Variants in ENTPD1 observed in about 807,000 individuals in gnomAD.
ENTPD1 encodes ATP diphosphohydrolase.
In ENTPD1, 33 loss-of-function variants were observed where a neutral mutation model predicts 57.0. The observed-to-expected ratio is 0.58, with a 90% CI of 0.44 to 0.77. ENTPD1 has a LOEUF of 0.77. ENTPD1 is among the 30% of genes least tolerant of loss of function. The pLI, the probability that ENTPD1 is intolerant of heterozygous loss-of-function variation, is 0.00. For missense variants in ENTPD1, 501 were observed against 603.4 expected (o/e 0.83, Z 1.78); for synonymous variants, 202 against 218.8 (o/e 0.92, Z 0.68).
At chr10:95,699,683 A>C in the ENTPD1 span, among the ~76,000 whole-genome samples, 5 of 152,270 alleles carry the variant, frequency 3.3e-5, no homozygotes, top group East Asian at 9.6e-4. Flanking sequence ...AGAAAGATGC[A>C]CATTTGACCC....
At chr10:95,836,305 C>A (rs2098409549) in intron 2 of ENTPD1, among the ~76,000 whole-genome samples, 1 of 151,914 alleles carries the variant, frequency 6.6e-6, no homozygotes, top group African/African-American at 2.4e-5. Flanking sequence ...TATTTGGGCT[C>A]TTTTTTGGTC....
At chr10:95,824,279 A>G (rs766732710) in intron 2 of ENTPD1, among the ~76,000 whole-genome samples, 9 of 152,248 alleles carry the variant, frequency 5.9e-5, no homozygotes, top group Non-Finnish European at 8.8e-5. Flanking sequence ...TAACTTGACC[A>G]TGGAGGCCTG....
chr10:95,700,933 T>C, the ENTPD1 span, among the ~76,000 whole-genome samples: 127,666 of 151,874 alleles, frequency 0.84, 54,221 homozygotes, highest in Non-Finnish European at 0.91. Context: ...GCTGGGATTA[T>C]AGGTGCCCAC....
chr10:95,810,059 G>A (rs1384511449), intron 1 of ENTPD1, among the ~76,000 whole-genome samples: 1 of 140,564 alleles, frequency 7.1e-6, no homozygotes, highest in South Asian at 2.5e-4. Flanking sequence ...TCACTTCCCA[G>A]ACAGGGTCGC....
intron 1 of ENTPD1, among the ~76,000 whole-genome samples, chr10:95,750,427 C>T (rs1370238959): frequency 1.3e-5 from 2 of 152,074 alleles, no homozygotes; most frequent in South Asian, 2.1e-4. Context: ...GGCACCTCCC[C>T]TTTCTCTCTC....
chr10:95,808,716 G>A (rs900479926), intron 1 of ENTPD1, among the ~76,000 whole-genome samples: 1 of 119,550 alleles, frequency 8.4e-6, no homozygotes, highest in African/African-American at 3.3e-5. Flanking sequence ...GATTATTTTA[G>A]TTGCTTTTTT....
intron 1 of ENTPD1, among the ~76,000 whole-genome samples, chr10:95,761,928 A>C (rs1429253842): frequency 1.3e-5 from 2 of 152,222 alleles, no homozygotes; most frequent in Non-Finnish European, 2.9e-5. Flanking sequence ...GCTCTGCAGA[A>C]GAAAGGTGGG....
intron 8 of ENTPD1, among the ~76,000 whole-genome samples, chr10:95,862,454 T>TTAAGCATGTACTGTTA (rs1220482600): frequency 6.6e-6 from 1 of 152,242 alleles, no homozygotes; most frequent in African/African-American, 2.4e-5. Flanking sequence ...TTAACAATGT[T>TTAAGCATGTACTGTTA]TAAGCATGTA....
intron 1 of ENTPD1, among the ~76,000 whole-genome samples, chr10:95,809,558 G>A (rs567577370): frequency 5.3e-4 from 74 of 140,242 alleles, no homozygotes; most frequent in African/African-American, 1.6e-3. Flanking sequence ...CAGATGGGGC[G>A]GATGCTGGGC....
chr10:95,727,184 C>T (rs975926893), intron 1 of ENTPD1, among the ~76,000 whole-genome samples: 3 of 152,124 alleles, frequency 2.0e-5, no homozygotes, highest in African/African-American at 4.8e-5. Context: ...CGATTTGAGT[C>T]ATAGTTTTGG....
chr10:95,742,303 T>C (rs936959433), intron 1 of ENTPD1, among the ~76,000 whole-genome samples: 5 of 152,108 alleles, frequency 3.3e-5, no homozygotes, highest in African/African-American at 1.2e-4. Flanking sequence ...CTACTTTAAG[T>C]TGTCTGGCAA....
At chr10:95,862,391 G>A (rs2098466840) in intron 8 of ENTPD1, among the ~76,000 whole-genome samples, 1 of 152,216 alleles carries the variant, frequency 6.6e-6, no homozygotes, top group Admixed American at 6.5e-5. Context: ...TGCTACTCCA[G>A]TATGGCTTGT....
At chr10:95,726,296 C>G (rs2097983632) in intron 1 of ENTPD1, among the ~76,000 whole-genome samples, 1 of 152,088 alleles carries the variant, frequency 6.6e-6, no homozygotes, top group African/African-American at 2.4e-5. Flanking sequence ...ATAACTTTTG[C>G]TTCTTTCATC....
In ENTPD1 at chr10:95,811,609, C is replaced by T. The variant is rs114105694; in HGVS notation, c.17-11628C>T. 3.3e-3 allele frequency among the ~76,000 whole-genome samples: 496 copies of T among 152,204 alleles called. 3 individuals carry two copies. Among genetic ancestry groups the T allele is most frequent in the African/African-American group, 0.011 (439 of 41,534 alleles). ...CTCCCTATGTTGCCCAGATTAGTCT[C>T]GAACTCCTGGGCTCAAGTGATTATT... On this transcript the variant is annotated intron_variant, in intron 1 of 9. Coordinates refer to ENST00000371205, the MANE Select transcript of ENTPD1 (RefSeq NM_001776.6).
chr10:95,778,039 G>T (rs953665587), intron 1 of ENTPD1, among the ~76,000 whole-genome samples: 5 of 152,124 alleles, frequency 3.3e-5, no homozygotes, highest in African/African-American at 1.2e-4. Context: ...GTTTTTCCAG[G>T]TACCATCTGT....
intron 1 of ENTPD1, among the ~76,000 whole-genome samples, chr10:95,821,996 CTT>C (rs71034351): frequency 8.6e-5 from 8 of 92,914 alleles, no homozygotes; most frequent in African/African-American, 3.0e-4. Context: ...TAGCTTTTGC[CTT>C]TTTTTTTTTT....
Position 95,866,636 on chromosome 10 carries a change from T to A in ENTPD1, c.*253T>A, listed in dbSNP as rs925158389. 5.3e-6 allele frequency: 7 copies of A among 1,330,932 alleles called. No homozygotes were observed. The highest frequency in any genetic ancestry group is 5.9e-4 in the Middle Eastern group (2 of 3,390). 82.4% of individuals were successfully genotyped at this position (1,330,932 alleles called of 1,614,324 possible). On this transcript the variant is annotated 3_prime_UTR_variant, in exon 10 of 10. Transcript: ENST00000371205. ...ACCTTTCTCCTTTGTACTTTGTGCTTGTATAGGTTTTAAAGACCTGACACC... is the reference window on the plus strand; with the variant it reads ...ACCTTTCTCCTTTGTACTTTGTGCTAGTATAGGTTTTAAAGACCTGACACC...
chr10:95,753,184 A>G (rs2098014892), upstream of ENTPD1: 5 of 152,204 alleles, frequency 3.3e-5, no homozygotes, highest in Admixed American at 3.3e-4. Context: ...AAAAAAAACA[A>G]TAAAATTGAT....
At chr10:95,796,138 T>G (rs536665561) in intron 1 of ENTPD1, among the ~76,000 whole-genome samples, 1 of 152,278 alleles carries the variant, frequency 6.6e-6, no homozygotes, top group African/African-American at 2.4e-5. Flanking sequence ...GTACTAAAAG[T>G]CTAAATCCAT....
Sources: gnomAD v4.1 joint callset for allele counts (sites outside exome capture counted in the v4.1 genomes callset) on GRCh38, gnomAD v4.1.1 for gene constraint, MANE v1.5 for transcripts, NCBI Gene and HGNC (gene_info 2026-07-23, HGNC 2026-07-21) for gene names.